Variants in CLASP1 observed in about 807,000 individuals in gnomAD.
The protein encoded by CLASP1 is cytoplasmic linker associated protein 1.
Under a neutral mutation model 192.3 loss-of-function variants are expected in CLASP1, and 38 were observed. The ratio of observed to expected loss-of-function variants is 0.20; its 90% CI spans 0.15 to 0.26. The LOEUF is 0.26. Among genes scored for constraint, CLASP1 ranks in the 10% least tolerant of loss-of-function variants. The pLI, the probability that CLASP1 is intolerant of heterozygous loss-of-function variation, is 1.00. For synonymous variants in CLASP1, 691 were observed against 712.8 expected (o/e 0.97, Z 0.49); for missense variants, 1,433 against 1,932.5 (o/e 0.74, Z 4.85).
intron 34 of CLASP1, 74 bp downstream of exon 35, chr2:121,377,425 T>C: frequency 9.9e-7 from 1 of 1,006,936 alleles, no homozygotes; most frequent in Non-Finnish European, 1.5e-6. Flanking sequence ...GTAATCATGA[T>C]GGTCAGTGTT....
intron 6 of CLASP1, among the ~76,000 whole-genome samples, chr2:121,516,450 T>G (rs1291318777): frequency 6.6e-6 from 1 of 152,176 alleles, no homozygotes; most frequent in Non-Finnish European, 1.5e-5. Context: ...ACACAGCCTG[T>G]GCAAAGGCAC....
Position 121,425,208 on chromosome 2 carries a change from C to A in CLASP1, c.2143G>T (p.Glu715Ter). ...CTCCTGGGAATCTTGCTTCGCTTTT[C>A]TGAAGACGGTGTCACAGGTGGGCCT... The change falls in exon 22 of 40, where the codon GAA becomes TAA. Residue 715 changes from glutamate to a stop codon, truncating the protein, a stop_gained. Coordinates refer to ENST00000263710, the Ensembl canonical transcript of CLASP1. LOFTEE classifies it high-confidence loss of function. 2 of 1,613,340 alleles carry A rather than the reference C, an allele frequency of 1.2e-6. No homozygotes were observed. Among genetic ancestry groups the A allele is most frequent in the Non-Finnish European group, 1.7e-6 (2 of 1,179,766 alleles).
intron 2 of CLASP1, among the ~76,000 whole-genome samples, chr2:121,568,016 A>T (rs2059655508): frequency 6.6e-6 from 1 of 152,218 alleles, no homozygotes. Flanking sequence ...TCAAAAACAG[A>T]GAAAGATCAA....
intron 8 of CLASP1, among the ~76,000 whole-genome samples, chr2:121,493,834 C>T (rs1225721634): frequency 1.3e-5 from 2 of 152,052 alleles, no homozygotes; most frequent in African/African-American, 4.8e-5. Flanking sequence ...GGCAAACAGG[C>T]ATATTAAAAA....
At chr2:121,535,176 C>T (rs1009959214) in intron 2 of CLASP1, among the ~76,000 whole-genome samples, 6 of 152,076 alleles carry the variant, frequency 3.9e-5, no homozygotes, top group African/African-American at 1.4e-4. Flanking sequence ...CTGCTCTGCT[C>T]GGGAGGCTGA....
At chr2:121,470,293 CT>C (rs70954550) in intron 8 of CLASP1, 7,020 of 301,898 alleles carry the variant, frequency 0.023, no homozygotes, top group Middle Eastern at 0.035. Flanking sequence ...ACCATCCATG[CT>C]TTTTTTTTTT....
chr2:121,533,753 G>T (rs1250726571), intron 2 of CLASP1, among the ~76,000 whole-genome samples: 1 of 152,062 alleles, frequency 6.6e-6, no homozygotes, highest in African/African-American at 2.4e-5. Context: ...GTTTGTGCTT[G>T]TTTCCCCAGC....
At chr2:121,368,632 G>C (rs1307171098) in intron 34 of CLASP1, among the ~76,000 whole-genome samples, 1 of 152,100 alleles carries the variant, frequency 6.6e-6, no homozygotes, top group Non-Finnish European at 1.5e-5. Context: ...GCAGGTGTGG[G>C]CTGGCTGCTG....
chr2:121,518,385 G>A (rs1321105729), intron 6 of CLASP1, among the ~76,000 whole-genome samples: 1 of 151,990 alleles, frequency 6.6e-6, no homozygotes, highest in Non-Finnish European at 1.5e-5. Context: ...TAGTGAGATG[G>A]CAGCCATCTA....
At chr2:121,553,486 G>A (rs2058233321) in intron 2 of CLASP1, among the ~76,000 whole-genome samples, 1 of 150,816 alleles carries the variant, frequency 6.6e-6, no homozygotes, top group South Asian at 2.1e-4. Flanking sequence ...GGAGGATCAT[G>A]AGGTCAGGAG....
intron 8 of CLASP1, among the ~76,000 whole-genome samples, chr2:121,492,659 T>C (rs1426809094): frequency 7.3e-5 from 10 of 137,426 alleles, no homozygotes; most frequent in Non-Finnish European, 1.4e-4. Context: ...CTAGGGTGAC[T>C]ACAATTAAAA....
intron 6 of CLASP1, among the ~76,000 whole-genome samples, chr2:121,519,301 C>A (rs2094402564): frequency 6.6e-6 from 1 of 152,112 alleles, no homozygotes; most frequent in Admixed American, 6.5e-5. Flanking sequence ...AACTGAAACG[C>A]CTACACAGGC....
In CLASP1 at chr2:121,365,297, AC is replaced by A; in HGVS notation, c.3887-14del. ...TGGTCGATGGGCACTGGTGAAACACACCAGACATACGTCACCTCGTGAGGAA... is the reference window on the plus strand; with the variant it reads ...TGGTCGATGGGCACTGGTGAAACACACAGACATACGTCACCTCGTGAGGAA... On this transcript the variant is annotated splice_polypyrimidine_tract_variant and intron_variant, in intron 35 of 39. Coordinates refer to ENST00000263710, the Ensembl canonical transcript of CLASP1. The A allele has an allele frequency of 1.2e-6, 2 of 1,607,572 alleles. No homozygotes were observed. Among genetic ancestry groups the A allele is most frequent in the Non-Finnish European group, 1.7e-6 (2 of 1,177,132 alleles).
intron 14 of CLASP1, among the ~76,000 whole-genome samples, chr2:121,454,720 T>C (rs1338060147): frequency 6.6e-6 from 1 of 152,192 alleles, no homozygotes; most frequent in Non-Finnish European, 1.5e-5. Flanking sequence ...AGATGATGAA[T>C]CCCCTAAACA....
At chr2:121,639,756 C>T (rs1402652983) in intron 1 of CLASP1, among the ~76,000 whole-genome samples, 2 of 150,280 alleles carry the variant, frequency 1.3e-5, no homozygotes, top group African/African-American at 4.9e-5. Context: ...TCAGCTACTC[C>T]GGAGGCTGAG....
chr2:121,377,190 T>C (rs1346081110), intron 34 of CLASP1, among the ~76,000 whole-genome samples: 1 of 152,176 alleles, frequency 6.6e-6, no homozygotes, highest in African/African-American at 2.4e-5. Context: ...GTTTATTGTG[T>C]ATTTCCAAAA....
chr2:121,470,838 A>G (rs1429164022), intron 8 of CLASP1, among the ~76,000 whole-genome samples: 1 of 152,198 alleles, frequency 6.6e-6, no homozygotes, highest in Admixed American at 6.5e-5. Flanking sequence ...AACATTTAAT[A>G]TTACCATTTT....
chr2:121,512,380 C>A (rs141569075), intron 7 of CLASP1, among the ~76,000 whole-genome samples: 57 of 152,262 alleles, frequency 3.7e-4, no homozygotes, highest in African/African-American at 1.3e-3. Context: ...GTCAAGCATG[C>A]CTCACAGGGT....
At chr2:121,475,130 A>G (rs1218003197) in intron 8 of CLASP1, among the ~76,000 whole-genome samples, 1 of 152,236 alleles carries the variant, frequency 6.6e-6, no homozygotes, top group Non-Finnish European at 1.5e-5. Flanking sequence ...TCTGTGAGTT[A>G]GTGAAGGAAG....
Sources: allele counts gnomAD v4.1 joint callset (sites outside exome capture counted in the v4.1 genomes callset), GRCh38; gene constraint gnomAD v4.1.1; transcripts MANE v1.5; gene names NCBI Gene and HGNC (gene_info 2026-07-23, HGNC 2026-07-21).